Variants in PSMA5 observed in about 807,000 individuals in gnomAD.
PSMA5 encodes proteasome 20S subunit alpha 5.
A neutral mutation model predicts 34.5 loss-of-function variants in PSMA5; 3 were observed. The ratio of observed to expected loss-of-function variants is 0.09; its 90% CI spans 0.04 to 0.22. The LOEUF is 0.22. PSMA5 is among the 10% of genes least tolerant of loss of function. PSMA5 has a pLI of 1.00. For missense variants in PSMA5, 120 were observed against 286.1 expected, an observed-to-expected ratio of 0.42 and a Z score of 4.19; for synonymous variants, 88 against 95.8, an observed-to-expected ratio of 0.92 and a Z score of 0.47.
chr1:109,419,755 C>T (rs998186486), intron 2 of PSMA5, among the ~76,000 whole-genome samples: 4 of 136,628 alleles, frequency 2.9e-5, no homozygotes, highest in African/African-American at 7.0e-5. Context: ...GCTGAGATAG[C>T]GCCACTGCAC....
At chr1:109,407,673 C>A (rs1007862149) in intron 8 of PSMA5, among the ~76,000 whole-genome samples, 9 of 152,066 alleles carry the variant, frequency 5.9e-5, no homozygotes, top group Admixed American at 2.0e-4. Context: ...GAGTTTCGTG[C>A]TGTTGCCCAG....
chr1:109,402,839 G>A (rs1454316979), intron 8 of PSMA5, among the ~76,000 whole-genome samples: 1 of 152,144 alleles, frequency 6.6e-6, no homozygotes, highest in Non-Finnish European at 1.5e-5. Flanking sequence ...TCGAGTAGCT[G>A]GGATTACAGA....
chr1:109,409,839 A>G lies in PSMA5; in HGVS notation c.648+89T>C, dbSNP rs191673909. ...TGGGGTGGGAGGACTACTTGAACTC[A>G]TGAGTTCAAGACCAGTCTAGGCAAT... On this transcript the variant is annotated intron_variant, in intron 8 of 8. Transcript: ENST00000271308. 1,498 of 869,118 alleles carry G rather than the reference A, an allele frequency of 1.7e-3. 37 individuals carry two copies. In the Admixed American group the frequency reaches 0.032, roughly 19 times the overall value. 53.8% of individuals were successfully genotyped at this position (869,118 alleles called of 1,614,324 possible).
Position 109,411,798 on chromosome 1 carries a change from A to C in PSMA5, c.458+79T>G, listed in dbSNP as rs1454030964. 12 of 1,408,020 alleles carry C rather than the reference A, an allele frequency of 8.5e-6. No homozygotes were observed. In the Admixed American group the frequency reaches 1.7e-4, roughly 20 times the overall value. 87.2% of individuals were successfully genotyped at this position (1,408,020 alleles called of 1,614,324 possible). On this transcript the variant is annotated intron_variant, in intron 6 of 8. Transcript: ENST00000271308. ...TGCTAATACCTGGCTAACAGTCTAC[A>C]ATAATCTTCTCAGTCTCCACCCCAA...
chr1:109,410,907 G>C (rs1425854665), intron 7 of PSMA5, 104 bp downstream of exon 7: 1 of 809,392 alleles, frequency 1.2e-6, no homozygotes, highest in Non-Finnish European at 2.0e-6. Context: ...ATCTTGTTTT[G>C]CAATTGTCAA....
chr1:109,418,416 C>T (rs748748669), intron 2 of PSMA5, among the ~76,000 whole-genome samples: 2 of 152,222 alleles, frequency 1.3e-5, no homozygotes, highest in Non-Finnish European at 2.9e-5. Context: ...CCCAGGCTCA[C>T]GAGATCTTCC....
intron 2 of PSMA5, 137 bp from the exon 3 acceptor site, chr1:109,415,500 C>G: frequency 2.7e-6 from 2 of 737,924 alleles, no homozygotes; most frequent in South Asian, 8.4e-5. Context: ...AAGGAGCACC[C>G]TAACATACTG....
chr1:109,410,184 T>C (rs1304975125), intron 7 of PSMA5, among the ~76,000 whole-genome samples, 170 bp from the exon 8 acceptor site: 1 of 151,984 alleles, frequency 6.6e-6, no homozygotes, highest in East Asian at 1.9e-4. Context: ...GGCAAATAAG[T>C]AGAATACATT....
intron 2 of PSMA5, among the ~76,000 whole-genome samples, chr1:109,416,848 T>C (rs1434347463): frequency 1.3e-5 from 2 of 152,194 alleles, no homozygotes; most frequent in Non-Finnish European, 1.5e-5. Flanking sequence ...CTCATGCCTG[T>C]AATCCCAGCA....
At chr1:109,412,873 C>T (rs1415632246) in intron 4 of PSMA5, 195 bp downstream of exon 4, 3 of 543,716 alleles carry the variant, frequency 5.5e-6, no homozygotes, top group Admixed American at 6.7e-5. Context: ...TGACCAGAGC[C>T]TCTTTAAAAC....
At position 109,401,184 on chromosome 1, in the gene PSMA5, ATTTTACAATTC is replaced by A. The variant is rs1653503549; in HGVS notation, c.*818_*828del. The A allele has an allele frequency of 1.3e-5, 2 of 152,226 alleles. No homozygotes were observed. 9.4% of individuals were successfully genotyped at this position (152,226 alleles called of 1,614,324 possible). A position where few individuals can be genotyped will look rare whatever the true frequency, so the allele number is the denominator to read the frequency against. On this transcript the variant is annotated 3_prime_UTR_variant, in exon 9 of 9. Transcript: ENST00000271308. ...AAAGTCTAATGTAAACTGCTTCTGA[ATTTTACAATTC>A]TCTTACTGATATAGAGATTTGTAAT...
intron 8 of PSMA5, 49 bp from the exon 9 acceptor site, chr1:109,402,139 G>T: frequency 7.2e-7 from 1 of 1,381,220 alleles, no homozygotes. Flanking sequence ...TTACCCTGCT[G>T]ATGGCCCTAC....
intron 8 of PSMA5, among the ~76,000 whole-genome samples, chr1:109,408,778 C>T (rs529657883): frequency 2.6e-5 from 4 of 151,806 alleles, no homozygotes; most frequent in African/African-American, 9.7e-5. Context: ...GTAACCTCCA[C>T]CTCCCGGGTT....
chr1:109,415,403 A>T (rs1236557871), intron 2 of PSMA5, 40 bp from the exon 3 acceptor site: 3 of 1,588,070 alleles, frequency 1.9e-6, no homozygotes, highest in Non-Finnish European at 2.6e-6. Context: ...TATAGGTCAA[A>T]TAACTGTCTT....
At chr1:109,417,919 G>T (rs1654280482) in intron 2 of PSMA5, among the ~76,000 whole-genome samples, 1 of 152,132 alleles carries the variant, frequency 6.6e-6, no homozygotes, top group Admixed American at 6.5e-5. Flanking sequence ...CTACTGCTCT[G>T]TTTCACTTAA....
Position 109,400,588 on chromosome 1 carries a change from G to C in PSMA5, c.*1425C>G, listed in dbSNP as rs936562129. 5 of 152,150 alleles carry C rather than the reference G, an allele frequency of 3.3e-5. No homozygotes were observed. Among genetic ancestry groups the C allele is most frequent in the African/African-American group, 1.2e-4 (5 of 41,440 alleles). The allele number at this position is 152,150 out of a possible 1,614,324, so 9.4% of individuals were successfully genotyped here. On this transcript the variant is annotated 3_prime_UTR_variant, in exon 9 of 9. Coordinates refer to ENST00000271308, the MANE Select transcript of PSMA5 (RefSeq NM_002790.4). ...GTGTTAAAATCACTAGAAGTCTCTG[G>C]AACATTCAGTAACAATATACTCTAA...
chr1:109,420,711 T>C (rs1045482959), intron 2 of PSMA5, among the ~76,000 whole-genome samples: 1 of 152,156 alleles, frequency 6.6e-6, no homozygotes, highest in African/African-American at 2.4e-5. Flanking sequence ...ATATACTTTT[T>C]ATCTAGAAGA....
chr1:109,419,015 T>C lies in PSMA5; in HGVS notation c.96+2845A>G, dbSNP rs1182183581. Among the ~76,000 whole-genome samples, 6 of 151,956 alleles carry C rather than the reference T, an allele frequency of 3.9e-5. No individual in the cohort carries two copies. In the East Asian group the frequency reaches 1.2e-3, roughly 30 times the overall value. Reference sequence around the variant, plus strand: ...ACTAAAAATGCAAAATTAGCCAGCGTGGTGGCGCATGCCTGTAATCCCAGC... The same window carrying C: ...ACTAAAAATGCAAAATTAGCCAGCGCGGTGGCGCATGCCTGTAATCCCAGC... On this transcript the variant is annotated intron_variant, in intron 2 of 8. Transcript: ENST00000271308.
chr1:109,402,630 A>G (rs1222047329), intron 8 of PSMA5, among the ~76,000 whole-genome samples: 1 of 152,222 alleles, frequency 6.6e-6, no homozygotes, highest in Non-Finnish European at 1.5e-5. Flanking sequence ...TACAACAAAT[A>G]ATCATTAACT....
Sources: gnomAD v4.1 joint callset for allele counts (sites outside exome capture counted in the v4.1 genomes callset) on GRCh38, gnomAD v4.1.1 for gene constraint, MANE v1.5 for transcripts, NCBI Gene and HGNC (gene_info 2026-07-23, HGNC 2026-07-21) for gene names.